The following DNAJC24 variants were observed in gnomAD, a reference collection of about 807,000 sequenced individuals.
DNAJC24 encodes DnaJ heat shock protein family (Hsp40) member C24, also known as dnaJ homolog subfamily C member 24.
A neutral mutation model predicts 18.0 loss-of-function variants in DNAJC24; 17 were observed. The observed-to-expected ratio is 0.94, with a 90% CI of 0.65 to 1.42. The LOEUF (loss-of-function observed/expected upper bound fraction) is 1.42. Ranked by LOEUF, DNAJC24 falls within the 40% of genes most tolerant of loss-of-function variation. The pLI is 0.00. For missense variants in DNAJC24, 158 were observed against 175.6 expected, an observed-to-expected ratio of 0.90 and a Z score of 0.57; for synonymous variants, 55 against 57.7, an observed-to-expected ratio of 0.95 and a Z score of 0.21.
Position 31,394,024 on chromosome 11 carries a change from A to G in DNAJC24, c.112-20787A>G, listed in dbSNP as rs974573857. Among the ~76,000 whole-genome samples the G allele has an allele frequency of 2.0e-5, 3 of 152,136 alleles. No individual in the cohort carries two copies. The South Asian group carries it at 6.2e-4, about 32-fold the overall frequency. ...TTGTTTAAAACATGTTATTTAATAT[A>G]TATTGTTGATTTATTTAACATTAAA... is the stretch of plus-strand genomic sequence containing the variant. On this transcript the variant is annotated intron_variant, in intron 2 of 4. Coordinates refer to ENST00000465995, the MANE Select transcript of DNAJC24 (RefSeq NM_181706.5).
intron 2 of DNAJC24, among the ~76,000 whole-genome samples, chr11:31,400,427 C>T (rs1952589602): frequency 6.6e-6 from 1 of 152,286 alleles, no homozygotes; most frequent in Admixed American, 6.5e-5. Flanking sequence ...CAGGACAATC[C>T]TAAGCAAAAA....
At chr11:31,408,988 G>A (rs1952680231) in intron 2 of DNAJC24, among the ~76,000 whole-genome samples, 1 of 152,048 alleles carries the variant, frequency 6.6e-6, no homozygotes, top group Non-Finnish European at 1.5e-5. Context: ...ATGCATTTTG[G>A]CTTTCTACTC....
intron 3 of DNAJC24, chr11:31,416,996 A>C (rs1332235994): frequency 2.0e-5 from 3 of 152,144 alleles, no homozygotes; most frequent in Non-Finnish European, 4.4e-5. Flanking sequence ...GTTTAGACAA[A>C]GTAAATACTG....
chr11:31,370,728 G>A lies in DNAJC24; in HGVS notation c.-21G>A. 6.5e-7 allele frequency: 1 copy of A among 1,527,228 alleles called. No homozygotes were observed. Among genetic ancestry groups the A allele is most frequent in the Non-Finnish European group, 8.9e-7 (1 of 1,118,456 alleles). The allele number at this position is 1,527,228 out of a possible 1,614,324, so 94.6% of individuals were successfully genotyped here. On this transcript the variant is annotated 5_prime_UTR_variant, in exon 2 of 5. Transcript: ENST00000465995. ...TATTTCTATTCAGCTAATCTGAGAA[G>A]GCCCACTTCTGGTTCCATGGATGAT...
intron 2 of DNAJC24, chr11:31,384,599 T>A (rs1200315247): frequency 6.6e-6 from 1 of 152,234 alleles, no homozygotes; most frequent in Non-Finnish European, 1.5e-5. Context: ...TACAGGTTCA[T>A]TGATGATGTT....
intron 2 of DNAJC24, among the ~76,000 whole-genome samples, chr11:31,371,627 A>G (rs1373238217): frequency 6.6e-6 from 1 of 152,092 alleles, no homozygotes; most frequent in African/African-American, 2.4e-5. Flanking sequence ...AAATGATGAT[A>G]TTTTGGATTA....
chr11:31,408,328 G>C (rs1564954777), intron 2 of DNAJC24: 2 of 388,848 alleles, frequency 5.1e-6, no homozygotes, highest in Non-Finnish European at 1.0e-5. Context: ...CTGAAGATTT[G>C]AGGTGAGTCC....
rs1421312680 is a variant in DNAJC24, at chr11:31,432,587, G to C, written c.*2186G>C. ...GCCAAATCTGTAAAATCAAAATGAGGTTGAAGACAATTAGTGAAAGTAATG... is the reference window on the plus strand; with the variant it reads ...GCCAAATCTGTAAAATCAAAATGAGCTTGAAGACAATTAGTGAAAGTAATG... On this transcript the variant is annotated 3_prime_UTR_variant, in exon 5 of 5. Coordinates refer to ENST00000465995, the MANE Select transcript of DNAJC24 (RefSeq NM_181706.5). 6.4e-7 allele frequency: 1 copy of C among 1,568,292 alleles called. No individual in the cohort carries two copies. Among genetic ancestry groups the C allele is most frequent in the African/African-American group, 1.4e-5 (1 of 73,906 alleles).
At chr11:31,388,819 G>A (rs938700216) in intron 2 of DNAJC24, among the ~76,000 whole-genome samples, 1 of 151,986 alleles carries the variant, frequency 6.6e-6, no homozygotes. Context: ...CAAGAAATAG[G>A]CAGTATAATA....
chr11:31,379,802 G>C (rs925762706), intron 2 of DNAJC24, among the ~76,000 whole-genome samples: 14 of 151,880 alleles, frequency 9.2e-5, no homozygotes, highest in Admixed American at 9.2e-4. Flanking sequence ...CTGTCGTCCA[G>C]GCTGGAGTGC....
At chr11:31,389,967 A>G (rs1369731822) in intron 2 of DNAJC24, among the ~76,000 whole-genome samples, 1 of 152,232 alleles carries the variant, frequency 6.6e-6, no homozygotes, top group Non-Finnish European at 1.5e-5. Context: ...ACAAATGTTA[A>G]AAGGAAACAC....
chr11:31,402,828 A>G (rs1005710851), intron 2 of DNAJC24, among the ~76,000 whole-genome samples: 13 of 152,146 alleles, frequency 8.5e-5, no homozygotes, highest in Admixed American at 5.9e-4. Flanking sequence ...TAAAGTTTAT[A>G]AAGTAGGTTA....
chr11:31,409,925 T>C (rs1317489058), intron 2 of DNAJC24, among the ~76,000 whole-genome samples: 1 of 150,702 alleles, frequency 6.6e-6, no homozygotes, highest in Non-Finnish European at 1.5e-5. Flanking sequence ...TGCTGTGTCA[T>C]TTAGGCTGGA....
chr11:31,371,063 G>T, intron 2 of DNAJC24, among the ~76,000 whole-genome samples: 1 of 152,202 alleles, frequency 6.6e-6, no homozygotes, highest in East Asian at 1.9e-4. Context: ...ATCTGAGTCA[G>T]GCTGCTTGAG....
intron 2 of DNAJC24, among the ~76,000 whole-genome samples, chr11:31,409,124 C>A (rs1646016347): frequency 6.6e-6 from 1 of 152,100 alleles, no homozygotes; most frequent in South Asian, 2.1e-4. Context: ...GTTAGTTTTT[C>A]CATTAATTTT....
At chr11:31,418,002 T>C (rs898645249) in intron 3 of DNAJC24, among the ~76,000 whole-genome samples, 2 of 152,094 alleles carry the variant, frequency 1.3e-5, no homozygotes, top group South Asian at 2.1e-4. Context: ...TACTTCTATA[T>C]GCTTAGTTGA....
At chr11:31,396,162 A>G (rs1952541430) in intron 2 of DNAJC24, 1 of 365,268 alleles carries the variant, frequency 2.7e-6, no homozygotes, top group Non-Finnish European at 5.4e-6. Context: ...TAGTGGATTT[A>G]CTGTGACATC....
chr11:31,403,749 T>C (rs1483346536), intron 2 of DNAJC24, among the ~76,000 whole-genome samples: 3 of 152,186 alleles, frequency 2.0e-5, no homozygotes, highest in African/African-American at 7.2e-5. Context: ...CAGGGCCGTA[T>C]ATTAAGATGT....
intron 3 of DNAJC24, among the ~76,000 whole-genome samples, chr11:31,422,447 A>C (rs552892731): frequency 6.6e-6 from 1 of 152,190 alleles, no homozygotes; most frequent in Admixed American, 6.5e-5. Flanking sequence ...CTACCATTCT[A>C]TGTCAAAAAT....
Sources: allele counts gnomAD v4.1 joint callset (sites outside exome capture counted in the v4.1 genomes callset), GRCh38; gene constraint gnomAD v4.1.1; transcripts MANE v1.5; gene names NCBI Gene and HGNC (gene_info 2026-07-23, HGNC 2026-07-21).